The following KCTD4 variants were observed in gnomAD, a reference collection of about 807,000 sequenced individuals.
KCTD4 encodes the protein potassium channel tetramerization domain containing 4, also known as BTB/POZ domain-containing protein KCTD4.
In KCTD4, 12 loss-of-function variants were observed where a neutral mutation model predicts 18.3. That is an observed-to-expected ratio of 0.66 (90% CI 0.42 to 1.06). The LOEUF is 1.06. KCTD4 is among the 50% of genes least tolerant of loss of function. KCTD4 has a pLI of 0.00. For missense variants in KCTD4, 250 were observed against 303.4 expected, an observed-to-expected ratio of 0.82 and a Z score of 1.31; for synonymous variants, 124 against 110.5, an observed-to-expected ratio of 1.12 and a Z score of -0.76.
intron 1 of KCTD4, among the ~76,000 whole-genome samples, chr13:45,198,195 C>G (rs1417706149): frequency 1.3e-5 from 2 of 152,208 alleles, no homozygotes; most frequent in Non-Finnish European, 2.9e-5. Context: ...ATACTAATGT[C>G]CTACCATCTG....
chr13:45,194,288 G>A lies in KCTD4; in HGVS notation c.280C>T (p.Arg94Ter), dbSNP rs774751523. 3.7e-6 allele frequency: 6 copies of A among 1,614,102 alleles called. No individual in the cohort carries two copies. The highest frequency in any genetic ancestry group is 1.3e-5 in the African/African-American group (1 of 75,032). ...LLFRHVLNFL[R>*]NGELLLPEGF... The stretch of plus-strand genomic sequence containing the variant: ...TCGGGCAATAGAAGTTCTCCATTTC[G>A]TAGGAAGTTTAGGACATGCCTGAAG... The change falls in exon 2 of 2, where the codon CGA becomes TGA. Residue 94 changes from arginine to a stop codon, truncating the protein, a stop_gained. Coordinates refer to ENST00000379108, the MANE Select transcript of KCTD4 (RefSeq NM_198404.3). LOFTEE classifies it high-confidence loss of function.
intron 1 of KCTD4, among the ~76,000 whole-genome samples, chr13:45,199,230 A>C (rs1466477586): frequency 2.0e-5 from 3 of 152,246 alleles, no homozygotes; most frequent in African/African-American, 7.2e-5. Context: ...AAGGAAGCCC[A>C]GGAAAATTGC....
chr13:45,195,869 G>A (rs1872866460), intron 1 of KCTD4, among the ~76,000 whole-genome samples: 1 of 151,994 alleles, frequency 6.6e-6, no homozygotes. Context: ...TTGCCCAGAC[G>A]GGTCTCAAAC....
chr13:45,195,528 CTTGT>C (rs10564668), intron 1 of KCTD4, among the ~76,000 whole-genome samples: 15,915 of 151,924 alleles, frequency 0.1, 2,187 homozygotes, highest in African/African-American at 0.32. Flanking sequence ...AAGTTAGTTT[CTTGT>C]TTGTTTGTTT....
In KCTD4 at chr13:45,194,072, A is replaced by T. The variant is rs756788877; in HGVS notation, c.496T>A (p.Ser166Thr). ...RIFCNAPDFI[S>T]KIKSRIVLVS... ...AGAACAATGCGAGACTTTATTTTTG[A>T]TATGAAATCAGGAGCATTACAGAAG... Residue 166 changes from serine (S) to threonine (T), a missense_variant, in exon 2 of 2, where the codon TCA becomes ACA. Coordinates refer to ENST00000379108, the MANE Select transcript of KCTD4 (RefSeq NM_198404.3). 2.5e-6 allele frequency: 4 copies of T among 1,614,002 alleles called. No individual in the cohort carries two copies. The highest frequency in any genetic ancestry group is 2.7e-5 in the African/African-American group (2 of 74,920).
Position 45,193,718 on chromosome 13 carries a change from G to A in KCTD4, c.*70C>T, listed in dbSNP as rs1416653718. On this transcript the variant is annotated 3_prime_UTR_variant, in exon 2 of 2. Coordinates refer to ENST00000379108, the MANE Select transcript of KCTD4 (RefSeq NM_198404.3). ...GCTAGCTGGGCATGTTATTTGGGATGTCTTTGATGCTGTGGTTTTCCGAAG... is the reference window on the plus strand; with the variant it reads ...GCTAGCTGGGCATGTTATTTGGGATATCTTTGATGCTGTGGTTTTCCGAAG... The A allele has an allele frequency of 7.1e-7, 1 of 1,411,952 alleles. No individual in the cohort carries two copies. The highest frequency in any genetic ancestry group is 2.3e-5 in the East Asian group (1 of 43,724). 87.5% of individuals were successfully genotyped at this position (1,411,952 alleles called of 1,614,324 possible). A position where few individuals can be genotyped will look rare whatever the true frequency, so the allele number is the denominator to read the frequency against.
chr13:45,193,926 G>T lies in KCTD4; in HGVS notation c.642C>A (p.Asn214Lys). The T allele has an allele frequency of 1.2e-6, 2 of 1,614,092 alleles. No homozygotes were observed. The highest frequency in any genetic ancestry group is 1.7e-6 in the Non-Finnish European group (2 of 1,179,948). Reference protein sequence around the residue: ...NGTRLVLKEDNTFVCTLETLK... With the variant: ...NGTRLVLKEDKTFVCTLETLK... ...GAGTTTCCAAGGTACAGACAAAGGTGTTGTCTTCCTTTAGTACAAGTCGAG... is the reference window on the plus strand; with the variant it reads ...GAGTTTCCAAGGTACAGACAAAGGTTTTGTCTTCCTTTAGTACAAGTCGAG... Residue 214 changes from asparagine to lysine, a missense_variant, in exon 2 of 2, where the codon AAC (asparagine) becomes AAA (lysine). Asn to Lys is a moderately conservative substitution (Grantham distance 94). Transcript: ENST00000379108.
Position 45,194,442 on chromosome 13 carries a change from A to G in KCTD4, c.126T>C (p.Tyr42=), listed in dbSNP as rs759387945. The G allele has an allele frequency of 1.2e-5, 20 of 1,614,070 alleles. No homozygotes were observed. In the African/African-American group the frequency reaches 2.0e-4, roughly 16 times the overall value. ...STLMTLNVGG[Y]LYITQKQTLT... The stretch of plus-strand genomic sequence containing the variant: ...GTGTTTGTTTTTGAGTAATGTATAA[A>G]TATCCACCAACGTTGAGGGTCATCA... The change falls in exon 2 of 2, where the codon TAT becomes TAC. Residue 42 remains tyrosine (Y), a synonymous_variant. Coordinates refer to ENST00000379108, the MANE Select transcript of KCTD4 (RefSeq NM_198404.3).
At position 45,193,872 on chromosome 13, in the gene KCTD4, T is replaced by C. The variant is rs1872756476; in HGVS notation, c.696A>G (p.Leu232=). 6.8e-6 allele frequency: 11 copies of C among 1,614,160 alleles called. No homozygotes were observed. The highest frequency in any genetic ancestry group is 8.5e-6 in the Non-Finnish European group (10 of 1,179,994). The change falls in exon 2 of 2, where the codon TTA becomes TTG. Residue 232 remains leucine (L), a synonymous_variant. Transcript: ENST00000379108. ...TLKFEAIMMA[L]KCGFRLLTSL... Reference sequence around the variant, plus strand: ...TGGTCAGCAGTCTAAAGCCACACTTTAAAGCCATCATGATAGCCTCAAACT... The same window carrying C: ...TGGTCAGCAGTCTAAAGCCACACTTCAAAGCCATCATGATAGCCTCAAACT...
At chr13:45,197,602 A>C (rs1253532351) in intron 1 of KCTD4, among the ~76,000 whole-genome samples, 1 of 152,020 alleles carries the variant, frequency 6.6e-6, no homozygotes, top group Non-Finnish European at 1.5e-5. Flanking sequence ...TAGTTCATGG[A>C]AATTATAGGA....
chr13:45,194,757 G>T lies in KCTD4; in HGVS notation c.-187-3C>A. 1 of 586,076 alleles carries T rather than the reference G, an allele frequency of 1.7e-6. No individual in the cohort carries two copies. The allele number at this position is 586,076 out of a possible 1,614,324, so 36.3% of individuals were successfully genotyped here. ...CAGCCTATGTATGCAGGAGCTTTCT[G>T]GAGTAAGACGGAAAAGAGAATTTGC... On this transcript the variant is annotated splice_polypyrimidine_tract_variant and splice_region_variant and intron_variant, in intron 1 of 1. Coordinates refer to ENST00000379108, the MANE Select transcript of KCTD4 (RefSeq NM_198404.3).
chr13:45,197,509 C>CAA (rs1195927657), intron 1 of KCTD4, among the ~76,000 whole-genome samples: 1,505 of 91,440 alleles, frequency 0.016, 31 homozygotes, highest in African/African-American at 0.055. Flanking sequence ...ACCCTGTCTC[C>CAA]AAAAAAAAAA....
Position 45,194,399 on chromosome 13 carries a change from T to A in KCTD4, c.169A>T (p.Thr57Ser). Residue 57 changes from threonine (T) to serine (S), a missense_variant, in exon 2 of 2, where the codon ACT (threonine) becomes TCT (serine). Coordinates refer to ENST00000379108, the MANE Select transcript of KCTD4 (RefSeq NM_198404.3). ...CCATTTACTATACCTTCAAGGAAAG[T>A]GTCTGGGTACTTGGTCAGTGTTTGT... Reference protein sequence around the residue: ...QKQTLTKYPDTFLEGIVNGKI... With the variant: ...QKQTLTKYPDSFLEGIVNGKI... 6.2e-7 allele frequency: 1 copy of A among 1,614,146 alleles called. No individual in the cohort carries two copies. Among genetic ancestry groups the A allele is most frequent in the Non-Finnish European group, 8.5e-7 (1 of 1,180,002 alleles).
chr13:45,194,483 T>A lies in KCTD4; in HGVS notation c.85A>T (p.Asn29Tyr). ...AGGGTCATCAGTGTGGATTTGCAGTTCTTTCCTTGATCAGTATCTTCCAGG... is the reference window on the plus strand; with the variant it reads ...AGGGTCATCAGTGTGGATTTGCAGTACTTTCCTTGATCAGTATCTTCCAGG... Reference protein sequence around the residue: ...NSLEDTDQGKNCKSTLMTLNV... With the variant: ...NSLEDTDQGKYCKSTLMTLNV... Residue 29 changes from asparagine (N) to tyrosine (Y), a missense_variant, in exon 2 of 2, where the codon AAC becomes TAC. Asn to Tyr is a moderately radical substitution (Grantham distance 143). Transcript: ENST00000379108. 1 of 1,614,200 alleles carries A rather than the reference T, an allele frequency of 6.2e-7. No homozygotes were observed. The highest frequency in any genetic ancestry group is 8.5e-7 in the Non-Finnish European group (1 of 1,180,000).
Position 45,193,906 on chromosome 13 carries a change from T to A in KCTD4, c.662A>T (p.Glu221Val). The change falls in exon 2 of 2, where the codon GAA becomes GTA. Residue 221 changes from glutamate (E) to valine (V), a missense_variant. Glu to Val is a moderately radical substitution (Grantham distance 121). Transcript: ENST00000379108. ...KEDNTFVCTL[E>V]TLKFEAIMMA... ...CATGATAGCCTCAAACTTAAGAGTT[T>A]CCAAGGTACAGACAAAGGTGTTGTC... 1 of 1,614,156 alleles carries A rather than the reference T, an allele frequency of 6.2e-7. No individual in the cohort carries two copies. Among genetic ancestry groups the A allele is most frequent in the Non-Finnish European group, 8.5e-7 (1 of 1,179,998 alleles).
chr13:45,198,987 A>G (rs1432848309), intron 1 of KCTD4, among the ~76,000 whole-genome samples: 1 of 152,190 alleles, frequency 6.6e-6, no homozygotes, highest in Non-Finnish European at 1.5e-5. Flanking sequence ...CTATTTTGAA[A>G]TATAAAATTT....
chr13:45,197,648 G>A (rs757338735), intron 1 of KCTD4, among the ~76,000 whole-genome samples: 17 of 152,152 alleles, frequency 1.1e-4, no homozygotes, highest in Non-Finnish European at 2.1e-4. Flanking sequence ...TGGTACACAT[G>A]CCCCTTAGGA....
rs745388820 is a variant in KCTD4, at chr13:45,200,921, G to A, written c.-285C>T. Among the ~76,000 whole-genome samples the A allele has an allele frequency of 8.5e-5, 13 of 152,132 alleles. No homozygotes were observed. The highest frequency in any genetic ancestry group is 2.6e-4 in the Admixed American group (4 of 15,268). Reference sequence around the variant, plus strand: ...TCAGGAGAGTAAGGAGAGTAACTTCGAGGTCTGGAGGATCAGCCTGAAATG... The same window carrying A: ...TCAGGAGAGTAAGGAGAGTAACTTCAAGGTCTGGAGGATCAGCCTGAAATG... On this transcript the variant is annotated 5_prime_UTR_variant, in exon 1 of 2. Coordinates refer to ENST00000379108, the MANE Select transcript of KCTD4 (RefSeq NM_198404.3).
chr13:45,194,921 G>A (rs117420002), intron 1 of KCTD4, among the ~76,000 whole-genome samples, 167 bp from the exon 2 acceptor site: 2,081 of 152,308 alleles, frequency 0.014, 32 homozygotes, highest in Non-Finnish European at 0.021. Context: ...TCATCCAAAT[G>A]TGAATGTTTA....
Sources: gnomAD v4.1 joint callset for allele counts (sites outside exome capture counted in the v4.1 genomes callset) on GRCh38, gnomAD v4.1.1 for gene constraint, MANE v1.5 for transcripts, NCBI Gene and HGNC (gene_info 2026-07-23, HGNC 2026-07-21) for gene names.